ARHGEF26: variants seen among roughly 807,000 people sequenced by gnomAD.
The protein encoded by ARHGEF26 is Rho guanine nucleotide exchange factor (GEF) 26.
A neutral mutation model predicts 89.4 loss-of-function variants in ARHGEF26; 59 were observed. The observed-to-expected ratio is 0.66, with a 90% confidence interval of 0.54 to 0.82. The LOEUF (loss-of-function observed/expected upper bound fraction) is 0.82. Among genes scored for constraint, ARHGEF26 ranks in the 40% least tolerant of loss-of-function variants. ARHGEF26 has a pLI of 0.00. For synonymous variants in ARHGEF26, 500 were observed against 428.4 expected (o/e 1.17, Z -2.06); for missense variants, 1,234 against 1,085.6 (o/e 1.14, Z -1.92).
At chr3:154,218,141 C>T in intron 10 of ARHGEF26, among the ~76,000 whole-genome samples, 183 bp downstream of exon 10, 1 of 152,088 alleles carries the variant, frequency 6.6e-6, no homozygotes, top group South Asian at 2.1e-4. Context: ...AGTGACCTTC[C>T]TCCAGGCCCT....
chr3:154,192,115 A>G (rs1713991775), intron 8 of ARHGEF26, among the ~76,000 whole-genome samples: 1 of 152,120 alleles, frequency 6.6e-6, no homozygotes, highest in African/African-American at 2.4e-5. Flanking sequence ...AGCAAAAGAG[A>G]AAAGTGGGGT....
At chr3:154,181,435 A>G (rs1007791813) in intron 6 of ARHGEF26, among the ~76,000 whole-genome samples, 2 of 152,134 alleles carry the variant, frequency 1.3e-5, no homozygotes, top group African/African-American at 4.8e-5. Context: ...TCCAAGAATG[A>G]TTTCAGTTTG....
intron 9 of ARHGEF26, among the ~76,000 whole-genome samples, chr3:154,205,536 C>A (rs1312484497): frequency 6.6e-6 from 1 of 152,140 alleles, no homozygotes; most frequent in Non-Finnish European, 1.5e-5. Context: ...TATGGACTTA[C>A]TCCTGCCCTT....
chr3:154,153,552 A>T (rs577722973), intron 6 of ARHGEF26, among the ~76,000 whole-genome samples: 2 of 152,150 alleles, frequency 1.3e-5, no homozygotes, highest in South Asian at 4.1e-4. Flanking sequence ...ACATAACTAC[A>T]CTGTTGTGGT....
chr3:154,243,782 T>C (rs16823806), intron 12 of ARHGEF26, among the ~76,000 whole-genome samples: 1,862 of 112,590 alleles, frequency 0.017, 9 homozygotes, highest in Middle Eastern at 0.085. Flanking sequence ...AGTAAATAAA[T>C]GGACATGCTT....
intron 12 of ARHGEF26, among the ~76,000 whole-genome samples, chr3:154,248,869 T>C (rs1260629110): frequency 6.6e-6 from 1 of 152,204 alleles, no homozygotes; most frequent in Non-Finnish European, 1.5e-5. Flanking sequence ...GGTCTCAGCA[T>C]TTTTAATGAC....
chr3:154,194,606 T>C (rs578254051), intron 8 of ARHGEF26, 38 bp from the exon 9 acceptor site: 4 of 1,440,780 alleles, frequency 2.8e-6, no homozygotes, highest in East Asian at 2.4e-5. Flanking sequence ...CTTAATAAAA[T>C]AGATCAATAA....
chr3:154,157,108 CTG>C (rs149749422), intron 6 of ARHGEF26, among the ~76,000 whole-genome samples: 27 of 151,856 alleles, frequency 1.8e-4, no homozygotes, highest in African/African-American at 6.3e-4. Flanking sequence ...ATCATTCTGA[CTG>C]TGTGTGTGTG....
intron 11 of ARHGEF26, among the ~76,000 whole-genome samples, chr3:154,238,350 A>C (rs1372211324): frequency 1.3e-5 from 2 of 152,218 alleles, no homozygotes; most frequent in Non-Finnish European, 2.9e-5. Context: ...ACAGATTACT[A>C]TCCTAGGAAC....
At chr3:154,229,125 T>G (rs1455039488) in intron 11 of ARHGEF26, among the ~76,000 whole-genome samples, 1 of 152,230 alleles carries the variant, frequency 6.6e-6, no homozygotes. Context: ...AAAGCTGGCT[T>G]GATGAGTGGC....
chr3:154,190,715 C>A (rs1405710518), intron 7 of ARHGEF26, among the ~76,000 whole-genome samples: 4 of 152,124 alleles, frequency 2.6e-5, no homozygotes, highest in Admixed American at 2.6e-4. Flanking sequence ...AATGTTATAG[C>A]AGCATTAATA....
chr3:154,255,056 T>C (rs530874765), intron 14 of ARHGEF26, among the ~76,000 whole-genome samples: 2 of 152,232 alleles, frequency 1.3e-5, no homozygotes, highest in South Asian at 2.1e-4. Flanking sequence ...CTTTCAAAAA[T>C]AGCATTCTTC....
intron 6 of ARHGEF26, among the ~76,000 whole-genome samples, chr3:154,157,306 G>A (rs2108109288): frequency 6.6e-6 from 1 of 152,228 alleles, no homozygotes; most frequent in East Asian, 1.9e-4. Context: ...CACCTCCAAT[G>A]TATTTGCAGA....
At chr3:154,227,110 T>A (rs1485507412) in intron 11 of ARHGEF26, among the ~76,000 whole-genome samples, 1 of 152,168 alleles carries the variant, frequency 6.6e-6, no homozygotes, top group Non-Finnish European at 1.5e-5. Flanking sequence ...GCTGAGTGGC[T>A]GTCTAGCTGA....
intron 12 of ARHGEF26, among the ~76,000 whole-genome samples, chr3:154,247,419 C>T (rs1717866698): frequency 6.6e-6 from 1 of 152,152 alleles, no homozygotes; most frequent in Non-Finnish European, 1.5e-5. Flanking sequence ...CTTTCCATTC[C>T]ACTGCCTCCT....
At chr3:154,148,811 A>G (rs1207056558) in intron 4 of ARHGEF26, among the ~76,000 whole-genome samples, 1 of 152,168 alleles carries the variant, frequency 6.6e-6, no homozygotes, top group East Asian at 1.9e-4. Flanking sequence ...TTTAGCCATG[A>G]ATTCTTGCTG....
intron 6 of ARHGEF26, among the ~76,000 whole-genome samples, chr3:154,165,977 A>G (rs926228194): frequency 6.6e-6 from 1 of 152,158 alleles, no homozygotes. Context: ...ATGTAGTGAA[A>G]GCCTCCTGGG....
chr3:154,229,678 G>A (rs1716716383), intron 11 of ARHGEF26, among the ~76,000 whole-genome samples: 1 of 152,100 alleles, frequency 6.6e-6, no homozygotes, highest in African/African-American at 2.4e-5. Context: ...GCTAGTAACA[G>A]CCCCCTTACA....
chr3:154,244,343 G>C (rs1387277839), intron 12 of ARHGEF26, among the ~76,000 whole-genome samples: 2 of 152,146 alleles, frequency 1.3e-5, no homozygotes, highest in Non-Finnish European at 2.9e-5. Context: ...AAAAATCAAT[G>C]GCTTTGATTA....
Sources: allele counts gnomAD v4.1 joint callset (sites outside exome capture counted in the v4.1 genomes callset), GRCh38; gene constraint gnomAD v4.1.1; transcripts MANE v1.5; gene names NCBI Gene and HGNC (gene_info 2026-07-23, HGNC 2026-07-21).